The following TBCD variants were observed in gnomAD, a reference collection of about 807,000 sequenced individuals.
TBCD encodes the protein tubulin folding cofactor D.
Under a neutral mutation model 169.3 loss-of-function variants are expected in TBCD, and 105 were observed. That is an observed-to-expected ratio of 0.62 (90% confidence interval 0.53 to 0.73). The LOEUF is 0.73. TBCD is among the 30% of genes least tolerant of loss of function. TBCD has a pLI of 0.00. For synonymous variants in TBCD, 700 were observed against 643.9 expected (o/e 1.09, Z -1.32); for missense variants, 1,444 against 1,600.1 (o/e 0.90, Z 1.66).
chr17:82,802,284 C>G (rs549351952), intron 9 of TBCD, among the ~76,000 whole-genome samples: 2 of 151,826 alleles, frequency 1.3e-5, no homozygotes, highest in Admixed American at 1.3e-4. Context: ...TGCTATAATA[C>G]GTGTGGTTTG....
At chr17:82,849,811 G>A (rs1330781606) in intron 13 of TBCD, among the ~76,000 whole-genome samples, 1 of 152,264 alleles carries the variant, frequency 6.6e-6, no homozygotes, top group Admixed American at 6.5e-5. Context: ...GTAGTCCTCG[G>A]AGAGGGCTGT....
intron 14 of TBCD, among the ~76,000 whole-genome samples, chr17:82,882,323 C>G (rs1027360122): frequency 3.3e-5 from 5 of 152,232 alleles, no homozygotes; most frequent in South Asian, 2.1e-4. Flanking sequence ...CCATTCCCCC[C>G]CAGCCCCTGA....
chr17:82,831,949 C>G lies in TBCD; in HGVS notation c.1318+17015C>G. ...CTCGGCGTTGTCTGGCCCCTTGAGTCTGTGCTCGCCGACTGGAACAAATGC... is the reference window on the plus strand; with the variant it reads ...CTCGGCGTTGTCTGGCCCCTTGAGTGTGTGCTCGCCGACTGGAACAAATGC... On this transcript the variant is annotated intron_variant, in intron 13 of 38. Coordinates refer to ENST00000355528, the MANE Select transcript of TBCD (RefSeq NM_005993.5). The surrounding 1 kb of genome is among the most constrained non-coding windows in gnomAD (Gnocchi z 4.6). 3.1e-6 allele frequency: 5 copies of G among 1,614,040 alleles called. No individual in the cohort carries two copies. The highest frequency in any genetic ancestry group is 4.2e-6 in the Non-Finnish European group (5 of 1,179,936).
intron 5 of TBCD, among the ~76,000 whole-genome samples, chr17:82,769,071 A>T (rs2144050440): frequency 6.6e-6 from 1 of 152,346 alleles, no homozygotes; most frequent in East Asian, 1.9e-4. Flanking sequence ...ATAACTAATT[A>T]CCCCAAACTT....
intron 9 of TBCD, among the ~76,000 whole-genome samples, chr17:82,805,377 G>T (rs1347313593): frequency 6.6e-6 from 1 of 152,236 alleles, no homozygotes; most frequent in Non-Finnish European, 1.5e-5. Flanking sequence ...CCATGTGGGT[G>T]TGAAGAGGGC....
In TBCD at chr17:82,932,697, C is replaced by T. The variant is rs1207000028; in HGVS notation, c.3153C>T (p.Leu1051=). 1.9e-6 allele frequency: 3 copies of T among 1,613,828 alleles called. No homozygotes were observed. Among genetic ancestry groups the T allele is most frequent in the Admixed American group, 1.7e-5 (1 of 60,010 alleles). Residue 1051 remains leucine (L), a synonymous_variant, in exon 34 of 39, where the codon CTC becomes CTT. Transcript: ENST00000355528. ...TGCTGAAGACGCTGGACCACGTGCT[C>T]ACCCACGGCTGCTTCGACATCTTCA... is the stretch of plus-strand genomic sequence containing the variant. ...VPLLKTLDHV[L]THGCFDIFTT...
intron 23 of TBCD, among the ~76,000 whole-genome samples, chr17:82,919,415 C>T (rs188978076): frequency 1.8e-4 from 27 of 152,034 alleles, no homozygotes; most frequent in African/African-American, 6.5e-4. Flanking sequence ...GTAGGGAAAA[C>T]GGAGATTGAG....
intron 14 of TBCD, among the ~76,000 whole-genome samples, chr17:82,882,503 G>C (rs1027069160): frequency 1.3e-5 from 2 of 152,218 alleles, no homozygotes; most frequent in Non-Finnish European, 2.9e-5. Flanking sequence ...TCCTAGCTCA[G>C]CATCCCCGAG....
At chr17:82,940,891 C>G (rs1053871529) in intron 37 of TBCD, among the ~76,000 whole-genome samples, 1 of 152,140 alleles carries the variant, frequency 6.6e-6, no homozygotes, top group African/African-American at 2.4e-5. Context: ...CCTTTCCTCA[C>G]ATCAGGGAGG....
At chr17:82,802,141 C>T (rs2050617542) in intron 9 of TBCD, among the ~76,000 whole-genome samples, 1 of 148,588 alleles carries the variant, frequency 6.7e-6, no homozygotes, top group African/African-American at 2.5e-5. Flanking sequence ...AAAGTGAAAC[C>T]GCCTTTCTTG....
intron 13 of TBCD, among the ~76,000 whole-genome samples, chr17:82,849,991 C>T (rs1250637744): frequency 8.2e-4 from 100 of 122,296 alleles, no homozygotes; most frequent in African/African-American, 2.9e-3. Flanking sequence ...GGCTGTGCTG[C>T]TGTTGGCTGT....
intron 9 of TBCD, among the ~76,000 whole-genome samples, chr17:82,801,960 A>G (rs660007): frequency 0.39 from 54,955 of 142,638 alleles, 10,396 homozygotes; most frequent in Middle Eastern, 0.44. Context: ...GCAGGGTGGC[A>G]TGTGTGTCGT....
intron 13 of TBCD, among the ~76,000 whole-genome samples, chr17:82,861,401 A>G (rs6502007): frequency 0.61 from 92,720 of 151,766 alleles, 28,323 homozygotes; most frequent in East Asian, 0.71. Context: ...GCTGGTGTTG[A>G]GTGTTCGCAT....
At chr17:82,809,397 G>A (rs565395507) in intron 11 of TBCD, among the ~76,000 whole-genome samples, 12 of 152,240 alleles carry the variant, frequency 7.9e-5, no homozygotes, top group Non-Finnish European at 1.6e-4. Flanking sequence ...AGCCCTCAGC[G>A]TTCGCCTGCT....
In TBCD at chr17:82,901,935, C is replaced by T. The variant is rs1460313935; in HGVS notation, c.1730+1204C>T. On this transcript the variant is annotated intron_variant, in intron 18 of 38. Transcript: ENST00000355528. ...GTTGTATCAGCCGATTAGTCAATAA[C>T]GTCTTTAAAACCAAAGTTACAGATA... Among the ~76,000 whole-genome samples the T allele has an allele frequency of 3.3e-5, 5 of 152,178 alleles. No homozygotes were observed. The South Asian group carries it at 6.2e-4, about 19-fold the overall frequency.
chr17:82,921,511 A>G lies in TBCD; in HGVS notation c.2112A>G (p.Gln704=), dbSNP rs778629073. Reference sequence around the variant, plus strand: ...TTGATTTTTTGACAGATGGTTGGCAATGGCTGATAAATGACACTTTGAGAC... The same window carrying G: ...TTGATTTTTTGACAGATGGTTGGCAGTGGCTGATAAATGACACTTTGAGAC... ...FRGDTVIDGW[Q]WLINDTLRHL... is the part of the protein sequence containing the mutation. Residue 704 remains glutamine, a synonymous_variant, in exon 25 of 39, where the codon CAA becomes CAG. Transcript: ENST00000355528. 13 of 1,613,896 alleles carry G rather than the reference A, an allele frequency of 8.1e-6. No individual in the cohort carries two copies. Among genetic ancestry groups the G allele is most frequent in the South Asian group, 6.6e-5 (6 of 91,086 alleles).
chr17:82,832,222 T>C lies in TBCD; in HGVS notation c.1318+17288T>C. On this transcript the variant is annotated intron_variant, in intron 13 of 38. Transcript: ENST00000355528. This position sits in a 1 kb window ranked among gnomAD's most constrained non-coding sequence, Gnocchi z 4.9. ...GGCTGGCTTCGCCGTGGCATCGGGCTGGTTGGTTTGCTTGGGGTCTAGTGA... is the reference window on the plus strand; with the variant it reads ...GGCTGGCTTCGCCGTGGCATCGGGCCGGTTGGTTTGCTTGGGGTCTAGTGA... 1.9e-6 allele frequency: 3 copies of C among 1,614,232 alleles called. No individual in the cohort carries two copies. The highest frequency in any genetic ancestry group is 1.6e-4 in the Middle Eastern group (1 of 6,062).
At chr17:82,865,610 C>T (rs1567916795) in intron 13 of TBCD, 4 of 882,122 alleles carry the variant, frequency 4.5e-6, no homozygotes, top group South Asian at 5.2e-5. Flanking sequence ...CAGGGCGATG[C>T]GGTCTGCACC....
chr17:82,848,080 C>T lies in TBCD; in HGVS notation c.1319-22144C>T, dbSNP rs555547189. Among the ~76,000 whole-genome samples the T allele has an allele frequency of 1.5e-4, 23 of 152,252 alleles. No homozygotes were observed. The South Asian group carries it at 4.1e-3, about 27-fold the overall frequency. ...GTGAGTGTGAGGAGATGGGTGGGCG[C>T]GGCCCTGTGGGATGGTGCTCTGTGG... On this transcript the variant is annotated intron_variant, in intron 13 of 38. Coordinates refer to ENST00000355528, the MANE Select transcript of TBCD (RefSeq NM_005993.5).
Sources: gnomAD v4.1 joint callset for allele counts (sites outside exome capture counted in the v4.1 genomes callset) on GRCh38, gnomAD v4.1.1 for gene constraint, Gnocchi (gnomAD v3.1) non-coding constraint, MANE v1.5 for transcripts, NCBI Gene and HGNC (gene_info 2026-07-23, HGNC 2026-07-21) for gene names.